The following PRKX variants were observed in gnomAD, a reference collection of about 807,000 sequenced individuals.
The protein encoded by PRKX is cAMP-dependent protein kinase catalytic subunit PRKX.
PRKX carries 12 observed loss-of-function variants against 22.0 expected under a neutral mutation model. That is an observed-to-expected ratio of 0.54 (90% confidence interval 0.35 to 0.88). The LOEUF is 0.88. Ranked by LOEUF, PRKX falls within the 40% of genes least tolerant of loss-of-function variation. The pLI is 0.01. For missense variants in PRKX, 217 were observed against 308.0 expected (o/e 0.70, Z 2.21); for synonymous variants, 134 against 137.7 (o/e 0.97, Z 0.19).
chrX:3,616,894 AAAAT>A (rs1405994771), intron 6 of PRKX, among the ~76,000 whole-genome samples: 1 of 111,857 alleles, frequency 8.9e-6, no homozygotes, highest in African/African-American at 3.2e-5. Context: ...ATAAGAGAAT[AAAAT>A]AAATTTTATC....
At chrX:3,654,877 G>A (rs768509611) in intron 3 of PRKX, among the ~76,000 whole-genome samples, 9 of 110,786 alleles carry the variant, frequency 8.1e-5, no homozygotes, top group African/African-American at 2.6e-4. Flanking sequence ...TCATCATTTC[G>A]GATCAATAGC....
chrX:3,632,029 A>G (rs1420786354), intron 4 of PRKX, among the ~76,000 whole-genome samples: 1 of 112,169 alleles, frequency 8.9e-6, no homozygotes, highest in Non-Finnish European at 1.9e-5. Context: ...GAGGAGAAAT[A>G]TGAAGTACAA....
At chrX:3,685,244 T>G (rs1928153243) in intron 1 of PRKX, among the ~76,000 whole-genome samples, 1 of 108,932 alleles carries the variant, frequency 9.2e-6, no homozygotes, top group Admixed American at 9.9e-5. Flanking sequence ...CCTTCTTTCC[T>G]CTCATTCCAT....
intron 5 of PRKX, among the ~76,000 whole-genome samples, chrX:3,623,664 C>T (rs1926604546): frequency 1.8e-5 from 2 of 111,613 alleles, no homozygotes; most frequent in South Asian, 3.8e-4. Flanking sequence ...TATAAAGGAA[C>T]GACAGAAGTG....
At chrX:3,663,253 G>A (rs181868144) in intron 2 of PRKX, among the ~76,000 whole-genome samples, 40 of 109,443 alleles carry the variant, frequency 3.7e-4, no homozygotes, top group African/African-American at 1.0e-3. Flanking sequence ...GGCAGCTTCT[G>A]TGAAGACATC....
intron 7 of PRKX, among the ~76,000 whole-genome samples, chrX:3,613,022 G>C (rs1926330331): frequency 1.9e-5 from 2 of 106,717 alleles, no homozygotes; most frequent in Admixed American, 2.1e-4. Context: ...ATAGTGGTGG[G>C]TGCCTGTAAT....
At chrX:3,659,384 G>A (rs1359615873) in intron 2 of PRKX, 4 of 111,345 alleles carry the variant, frequency 3.6e-5, no homozygotes, top group Non-Finnish European at 7.5e-5. Flanking sequence ...CTTACCTAAC[G>A]CACTTTTAAA....
rs1374093249 is a variant in PRKX at position 3,617,181 on chromosome X, T to C, written c.874-1289A>G. On this transcript the variant is annotated intron_variant, in intron 6 of 8. Transcript: ENST00000262848. The stretch of plus-strand genomic sequence containing the variant: ...ATACATACACGTTAATATATACACA[T>C]TAAATATACACATACTTATATACAT... Among the ~76,000 whole-genome samples, 5 of 110,035 alleles carry C rather than the reference T, an allele frequency of 4.5e-5. No homozygotes were observed. The Admixed American group carries it at 4.9e-4, about 11-fold the overall frequency.
intron 1 of PRKX, among the ~76,000 whole-genome samples, chrX:3,710,800 G>T (rs1418040476): frequency 9.0e-6 from 1 of 111,523 alleles, no homozygotes; most frequent in Non-Finnish European, 1.9e-5. Flanking sequence ...GAGAGAATTC[G>T]GAATGAGGGC....
At chrX:3,623,159 T>C (rs1329577622) in intron 5 of PRKX, among the ~76,000 whole-genome samples, 1 of 108,151 alleles carries the variant, frequency 9.2e-6, no homozygotes, top group Non-Finnish European at 1.9e-5. Context: ...AACGTGTGTG[T>C]GTGTGTGTGT....
At chrX:3,676,355 T>C (rs1293115888) in intron 1 of PRKX, among the ~76,000 whole-genome samples, 1 of 111,368 alleles carries the variant, frequency 9.0e-6, no homozygotes, top group African/African-American at 3.3e-5. Context: ...TACCTATCCA[T>C]TCATTGGCTG....
chrX:3,708,637 G>A (rs1928727670), intron 1 of PRKX, among the ~76,000 whole-genome samples: 1 of 110,420 alleles, frequency 9.1e-6, no homozygotes, highest in Non-Finnish European at 1.9e-5. Flanking sequence ...GGCCAAGGCG[G>A]GCGGATCGCC....
In PRKX at chrX:3,690,656, T is replaced by C. The variant is rs757072863; in HGVS notation, c.167-15890A>G. ...CTGAGGCAGGAGGATCACTTGAGCC[T>C]GGGGGCGGGGGTTGCAGTGAGCTAT... On this transcript the variant is annotated intron_variant, in intron 1 of 8. Coordinates refer to ENST00000262848, the MANE Select transcript of PRKX (RefSeq NM_005044.5). Among the ~76,000 whole-genome samples the C allele has an allele frequency of 3.6e-5, 4 of 111,092 alleles. No homozygotes were observed. In the South Asian group the frequency reaches 1.1e-3, roughly 32 times the overall value.
At position 3,615,830 on chromosome X, in the gene PRKX, C is replaced by T. The variant is rs751558573; in HGVS notation, c.936G>A (p.Pro312=). 3.0e-5 allele frequency: 36 copies of T among 1,203,852 alleles called. No homozygotes were observed. Among genetic ancestry groups the T allele is most frequent in the African/African-American group, 1.6e-4 (9 of 57,224 alleles). ...TGTGTTGTACCTTCAGTTTTCTCTG[C>T]GGAACAGCTTCCCAGTCCACGGAGC... is the stretch of plus-strand genomic sequence containing the variant. ...WFRSVDWEAV[P]QRKLKPPIVP... is the part of the protein sequence containing the mutation. Residue 312 remains proline (P), a synonymous_variant, in exon 7 of 9, where the codon CCG becomes CCA. Transcript: ENST00000262848.
intron 8 of PRKX, chrX:3,611,198 C>G (rs1303097844): frequency 4.5e-5 from 5 of 111,713 alleles, no homozygotes. Flanking sequence ...AAACACCTGC[C>G]CAGGATGGAG....
Position 3,713,127 on chromosome X carries a change from C to A in PRKX, c.127G>T (p.Val43Leu). 1.7e-6 allele frequency: 2 copies of A among 1,158,171 alleles called. No homozygotes were observed. The highest frequency in any genetic ancestry group is 3.8e-5 in the South Asian group (2 of 52,538). The change falls in exon 1 of 9, where the codon GTG becomes TTG. Residue 43 changes from valine (V) to leucine (L), a missense_variant. Val to Leu is a conservative substitution (Grantham distance 32). Coordinates refer to ENST00000262848, the MANE Select transcript of PRKX (RefSeq NM_005044.5). Reference protein sequence around the residue: ...SPEALSPEPPVYSLQDFDTLA... With the variant: ...SPEALSPEPPLYSLQDFDTLA... The stretch of plus-strand genomic sequence containing the variant: ...GTGTCAAAGTCCTGCAGGCTGTACA[C>A]AGGCGGCTCCGGCGACAGCGCCTCA...
intron 2 of PRKX, among the ~76,000 whole-genome samples, chrX:3,674,187 C>T (rs894380090): frequency 2.7e-5 from 3 of 111,041 alleles, no homozygotes; most frequent in African/African-American, 9.8e-5. Context: ...AGAAACCCAA[C>T]GAAACCTGAA....
intron 6 of PRKX, among the ~76,000 whole-genome samples, chrX:3,617,723 C>T (rs766851129): frequency 1.8e-5 from 2 of 110,546 alleles, no homozygotes; most frequent in Non-Finnish European, 3.8e-5. Flanking sequence ...CTTCAGTCAA[C>T]AATGGATGAC....
intron 4 of PRKX, chrX:3,641,491 A>G (rs1328064673): frequency 1.1e-5 from 2 of 187,691 alleles, no homozygotes; most frequent in African/African-American, 6.1e-5. Context: ...AGAGTAGAGC[A>G]AGGAGTTCAA....
Sources: allele counts gnomAD v4.1 joint callset (sites outside exome capture counted in the v4.1 genomes callset), GRCh38; gene constraint gnomAD v4.1.1; transcripts MANE v1.5; gene names NCBI Gene and HGNC (gene_info 2026-07-23, HGNC 2026-07-21).